Variants in ABR observed in about 807,000 individuals in gnomAD.
The protein encoded by ABR is active breakpoint cluster region-related protein.
ABR carries 35 observed loss-of-function variants against 107.2 expected under a neutral mutation model. That is an observed-to-expected ratio of 0.33 (90% CI 0.25 to 0.43). The LOEUF (loss-of-function observed/expected upper bound fraction) is 0.43, where lower values mean the gene tolerates loss of function less well. Among genes scored for constraint, ABR ranks in the 20% least tolerant of loss-of-function variants. The pLI is 1.00. For synonymous variants in ABR, 498 were observed against 462.0 expected (o/e 1.08, Z -1.00); for missense variants, 815 against 1,115.2 (o/e 0.73, Z 3.83).
At chr17:1,067,018 A>G (rs1341535137) in intron 10 of ABR, 59 bp downstream of exon 10, 7 of 1,580,640 alleles carry the variant, frequency 4.4e-6, no homozygotes, top group Non-Finnish European at 6.0e-6. Context: ...TCCTGCCTCC[A>G]CCTCCCCCAA....
At chr17:1,217,602 G>T (rs572800158) in intron 1 of ABR, among the ~76,000 whole-genome samples, 36 of 152,318 alleles carry the variant, frequency 2.4e-4, no homozygotes, top group African/African-American at 8.7e-4. Flanking sequence ...GTGCAAAAAG[G>T]TTGAGGAATT....
At chr17:1,197,051 C>T (rs903012820) in intron 1 of ABR, among the ~76,000 whole-genome samples, 6 of 151,520 alleles carry the variant, frequency 4.0e-5, no homozygotes, top group African/African-American at 9.8e-5. Flanking sequence ...CCAAATGCTC[C>T]GGGAACCCCG....
Position 1,078,834 on chromosome 17 carries a change from A to T in ABR, c.700+496T>A. ...GTTACCATAGGTGCAGTTACAGCAG[A>T]AGCGAATAATGAGGAGAATCTCCAT... On this transcript the variant is annotated intron_variant, in intron 6 of 22. Coordinates refer to ENST00000302538, the MANE Select transcript of ABR (RefSeq NM_021962.5). This position sits in a 1 kb window ranked among gnomAD's most constrained non-coding sequence, Gnocchi z 7.5. The T allele has an allele frequency of 6.5e-7, 1 of 1,535,550 alleles. No homozygotes were observed. The highest frequency in any genetic ancestry group is 8.7e-7 in the Non-Finnish European group (1 of 1,146,816).
chr17:1,019,770 C>T (rs2071475889), intron 16 of ABR, among the ~76,000 whole-genome samples: 1 of 152,252 alleles, frequency 6.6e-6, no homozygotes, highest in Non-Finnish European at 1.5e-5. Context: ...GGGGCTGGCC[C>T]CTGGGACGTT....
rs34146750 is a variant in ABR at position 1,078,104 on chromosome 17, G to GGTGTGTGTGTGTGTGTGTGTGT, written c.700+1204_700+1225dup. ...GTCCGGGTCCCTTCCACCGAAAGGT[G>GGTGTGTGTGTGTGTGTGTGTGT]GTGTGTGTGTGTGTGTGTGTGTGTG... On this transcript the variant is annotated intron_variant, in intron 6 of 22. Transcript: ENST00000302538. This position sits in a 1 kb window ranked among gnomAD's most constrained non-coding sequence, Gnocchi z 7.5. 2.0e-5 allele frequency among the ~76,000 whole-genome samples: 3 copies of GGTGTGTGTGTGTGTGTGTGTGT among 148,482 alleles called. No individual in the cohort carries two copies. In the East Asian group the frequency reaches 6.1e-4, roughly 30 times the overall value.
intron 5 of ABR, 103 bp from the exon 6 acceptor site, chr17:1,079,493 C>T (rs1034760049): frequency 3.6e-6 from 4 of 1,096,548 alleles, no homozygotes; most frequent in Non-Finnish European, 5.4e-6. Flanking sequence ...TCAGGGTGTA[C>T]ATATGAGAAC....
intron 1 of ABR, among the ~76,000 whole-genome samples, chr17:1,165,909 T>C (rs1032001073): frequency 6.6e-6 from 1 of 152,164 alleles, no homozygotes; most frequent in Admixed American, 6.5e-5. Flanking sequence ...AGACCCCCAG[T>C]GCCTGGCAGC....
At chr17:1,163,331 C>CA (rs1272795946) in intron 1 of ABR, among the ~76,000 whole-genome samples, 1 of 152,198 alleles carries the variant, frequency 6.6e-6, no homozygotes, top group East Asian at 1.9e-4. Flanking sequence ...AGCAAAATCT[C>CA]AATGTTTCTG....
intron 1 of ABR, among the ~76,000 whole-genome samples, chr17:1,225,638 C>T (rs192334708): frequency 3.9e-5 from 6 of 152,084 alleles, no homozygotes; most frequent in Non-Finnish European, 5.9e-5. Flanking sequence ...GGTGACAGAG[C>T]GGGACTCTGT....
upstream of ABR, among the ~76,000 whole-genome samples, chr17:1,184,386 T>C (rs968275374): frequency 1.3e-5 from 2 of 151,372 alleles, no homozygotes; most frequent in African/African-American, 4.9e-5. Flanking sequence ...ACCTGGGAGG[T>C]GGAGCTTGCA....
intron 1 of ABR, among the ~76,000 whole-genome samples, chr17:1,217,022 G>A (rs2043022693): frequency 6.6e-6 from 1 of 152,168 alleles, no homozygotes; most frequent in South Asian, 2.1e-4. Context: ...CTGCCTAGGT[G>A]GGGCCACAGA....
At chr17:1,146,804 T>C (rs2040562737) in intron 1 of ABR, among the ~76,000 whole-genome samples, 1 of 142,834 alleles carries the variant, frequency 7.0e-6, no homozygotes, top group African/African-American at 2.6e-5. Flanking sequence ...ATGCCACCAC[T>C]GCCACCAGGC....
rs1472074072 is a variant in ABR at position 1,025,047 on chromosome 17, A to AG, written c.1792-11884dup. 1.5e-3 allele frequency among the ~76,000 whole-genome samples: 166 copies of AG among 113,744 alleles called. 1 individual carries two copies. The highest frequency in any genetic ancestry group is 5.3e-3 in the African/African-American group (158 of 29,814). The allele number at this position is 113,744 out of a possible 152,430, so 74.6% of individuals were successfully genotyped here. On this transcript the variant is annotated intron_variant, in intron 16 of 22. Transcript: ENST00000302538. ...GAGGCAGGAGAATGGCGTGAACCCC[A>AG]GGGGGCGGAGCCTGCAGTGAGCCAA...
upstream of ABR, chr17:1,182,150 G>C (rs1336694989): frequency 6.6e-6 from 1 of 152,174 alleles, no homozygotes; most frequent in East Asian, 1.9e-4. Flanking sequence ...GGGCTCTACA[G>C]AGGAAACTTC....
intron 6 of ABR, among the ~76,000 whole-genome samples, chr17:1,076,762 T>C (rs531153258): frequency 1.6e-3 from 223 of 142,732 alleles, no homozygotes; most frequent in Non-Finnish European, 2.5e-3. Flanking sequence ...CCACATCAGA[T>C]ACGGAGGGAA....
chr17:1,151,867 A>C (rs1024829820), intron 1 of ABR, among the ~76,000 whole-genome samples: 2 of 152,224 alleles, frequency 1.3e-5, no homozygotes, highest in Non-Finnish European at 2.9e-5. Flanking sequence ...AAAATACAAA[A>C]AAGTTAGCCG....
At chr17:1,090,151 G>A (rs1346134650) in intron 4 of ABR, among the ~76,000 whole-genome samples, 1 of 152,182 alleles carries the variant, frequency 6.6e-6, no homozygotes, top group Non-Finnish European at 1.5e-5. Flanking sequence ...GGACGTTTCA[G>A]GCACACGGGG....
chr17:1,226,581 T>G (rs375957271), intron 1 of ABR, among the ~76,000 whole-genome samples: 91 of 151,842 alleles, frequency 6.0e-4, no homozygotes, highest in African/African-American at 1.9e-3. Context: ...TGTGCATGCA[T>G]TTATGTGGCA....
chr17:1,205,321 T>C (rs1386537022), intron 1 of ABR, among the ~76,000 whole-genome samples: 2 of 152,180 alleles, frequency 1.3e-5, no homozygotes, highest in African/African-American at 4.8e-5. Flanking sequence ...CCTCTCTGGT[T>C]GTGAGAATAA....
Sources: gnomAD v4.1 joint callset for allele counts (sites outside exome capture counted in the v4.1 genomes callset) on GRCh38, gnomAD v4.1.1 for gene constraint, Gnocchi (gnomAD v3.1) non-coding constraint, MANE v1.5 for transcripts, NCBI Gene and HGNC (gene_info 2026-07-23, HGNC 2026-07-21) for gene names.